Variants in TEX9 observed in about 807,000 individuals in gnomAD.
TEX9 encodes the protein testis expressed 9, also known as testis-expressed protein 9.
In TEX9, 74 loss-of-function variants were observed where a neutral mutation model predicts 59.6. The ratio of observed to expected loss-of-function variants is 1.24; its 90% CI spans 1.03 to 1.51. TEX9 has a LOEUF of 1.51. Ranked by LOEUF, TEX9 falls within the 40% of genes most tolerant of loss-of-function variation. The pLI is 0.00. For missense variants in TEX9, 522 were observed against 447.8 expected (o/e 1.17, Z -1.49); for synonymous variants, 186 against 152.2 (o/e 1.22, Z -1.64).
intron 12 of TEX9, chr15:56,428,559 A>G (rs1008282318): frequency 1.3e-5 from 9 of 670,554 alleles, no homozygotes; most frequent in South Asian, 2.8e-5. Flanking sequence ...TATGAAAGCA[A>G]AATAATTTCA....
In TEX9 at chr15:56,389,452, A is replaced by G. The variant is rs1285113119; in HGVS notation, c.395+52A>G. On this transcript the variant is annotated intron_variant, in intron 6 of 12. Coordinates refer to ENST00000352903, the Ensembl canonical transcript of TEX9. The stretch of plus-strand genomic sequence containing the variant: ...TTTTTTTTTAGTTTTGTAATTCACA[A>G]TACCATCATTCTTAATTATTAAGCT... 6 of 1,276,980 alleles carry G rather than the reference A, an allele frequency of 4.7e-6. No homozygotes were observed. In the African/African-American group the frequency reaches 6.0e-5, roughly 13 times the overall value. 79.1% of individuals were successfully genotyped at this position (1,276,980 alleles called of 1,614,324 possible).
At chr15:56,336,055 C>T (rs1213627851) in intron 1 of TEX9, among the ~76,000 whole-genome samples, 1 of 152,176 alleles carries the variant, frequency 6.6e-6, no homozygotes, top group Non-Finnish European at 1.5e-5. Flanking sequence ...AGTTCAGTAC[C>T]ATCATGGTCT....
chr15:56,411,522 G>T (rs1458105306), intron 9 of TEX9, among the ~76,000 whole-genome samples: 1 of 152,196 alleles, frequency 6.6e-6, no homozygotes, highest in Non-Finnish European at 1.5e-5. Flanking sequence ...CTAGCTATGT[G>T]AAAATGAGTG....
intron 9 of TEX9, among the ~76,000 whole-genome samples, chr15:56,411,873 A>C (rs1334761741): frequency 3.3e-5 from 5 of 152,198 alleles, no homozygotes; most frequent in African/African-American, 1.2e-4. Flanking sequence ...GCATTTAATG[A>C]ATATATTCTG....
chr15:56,361,548 G>T (rs1465098747), upstream of TEX9, among the ~76,000 whole-genome samples: 4 of 152,138 alleles, frequency 2.6e-5, no homozygotes, highest in Admixed American at 2.6e-4. Context: ...ATTGTGCTCT[G>T]GGACCACAAT....
intron 5 of TEX9, among the ~76,000 whole-genome samples, chr15:56,388,900 C>G (rs1416241772): frequency 6.6e-6 from 1 of 151,736 alleles, no homozygotes; most frequent in Non-Finnish European, 1.5e-5. Context: ...GTAGAGATCA[C>G]TCTTCCAGGT....
intron 10 of TEX9, among the ~76,000 whole-genome samples, chr15:56,418,268 A>C (rs1326644313): frequency 2.0e-5 from 3 of 151,856 alleles, no homozygotes; most frequent in Non-Finnish European, 4.4e-5. Context: ...ATTGCTTTAC[A>C]GTGACATTGA....
chr15:56,367,617 G>T (rs1397865016), intron 2 of TEX9, among the ~76,000 whole-genome samples: 2 of 152,070 alleles, frequency 1.3e-5, no homozygotes, highest in Admixed American at 6.5e-5. Context: ...CTCATAAATC[G>T]CAATTACATT....
rs530584325 is a variant in TEX9 at position 56,371,301 on chromosome 15, T to C, written c.120-2140T>C. On this transcript the variant is annotated intron_variant, in intron 2 of 12. Coordinates refer to ENST00000352903, the Ensembl canonical transcript of TEX9. ...TCTGTCTTCTAATTCACTCATTCCT[T>C]CTATGCCCATTATGCTGTTCAACAT... is the stretch of plus-strand genomic sequence containing the variant. Among the ~76,000 whole-genome samples, 27 of 152,334 alleles carry C rather than the reference T, an allele frequency of 1.8e-4. 1 individual carries two copies. The South Asian group carries it at 4.8e-3, about 27-fold the overall frequency.
At chr15:56,312,789 C>A (rs1454445858) in intron 1 of TEX9, among the ~76,000 whole-genome samples, 1 of 112,122 alleles carries the variant, frequency 8.9e-6, no homozygotes, top group Non-Finnish European at 1.9e-5. Flanking sequence ...ATGGAATGTT[C>A]TTCCATTTGT....
At chr15:56,266,530 A>G (rs1596052679) in intron 1 of TEX9, among the ~76,000 whole-genome samples, 2 of 144,346 alleles carry the variant, frequency 1.4e-5, no homozygotes, top group South Asian at 2.2e-4. Context: ...CCTGTGTCCA[A>G]GTGTTCTCAT....
At chr15:56,298,385 C>A (rs1041001049) in intron 1 of TEX9, among the ~76,000 whole-genome samples, 5 of 152,126 alleles carry the variant, frequency 3.3e-5, no homozygotes, top group African/African-American at 1.2e-4. Flanking sequence ...AGTTAGAAAT[C>A]TAAATTGTAT....
At position 56,391,316 on chromosome 15, in the gene TEX9, CT is replaced by C; in HGVS notation, c.471del (p.Ala158GlnfsTer20). On this transcript the variant is annotated frameshift_variant, in exon 7 of 13. Coordinates refer to ENST00000352903, the Ensembl canonical transcript of TEX9. LOFTEE classifies it high-confidence loss of function. ...TCCAGAGGATTTCTCAGACTTTTCCCTTGCAAAAACAATTAGCAAAATTGAA... is the reference window on the plus strand; with the variant it reads ...TCCAGAGGATTTCTCAGACTTTTCCCTGCAAAAACAATTAGCAAAATTGAA... 1 of 1,601,842 alleles carries C rather than the reference CT, an allele frequency of 6.2e-7. No homozygotes were observed. Among genetic ancestry groups the C allele is most frequent in the South Asian group, 1.1e-5 (1 of 88,728 alleles).
intron 1 of TEX9, among the ~76,000 whole-genome samples, chr15:56,322,890 A>T (rs775723746): frequency 1.3e-5 from 2 of 152,176 alleles, no homozygotes; most frequent in African/African-American, 2.4e-5. Flanking sequence ...TGATGCTAAG[A>T]GTATAGTAGG....
chr15:56,276,933 T>C (rs1201762205), intron 1 of TEX9, among the ~76,000 whole-genome samples: 1 of 152,246 alleles, frequency 6.6e-6, no homozygotes, highest in African/African-American at 2.4e-5. Flanking sequence ...ATGAGCCTTT[T>C]TTCATGTTTG....
intron 1 of TEX9, among the ~76,000 whole-genome samples, chr15:56,326,999 C>T (rs1006280899): frequency 6.6e-6 from 1 of 152,000 alleles, no homozygotes; most frequent in Non-Finnish European, 1.5e-5. Flanking sequence ...AGAACTTACC[C>T]GTGTAACCAA....
At chr15:56,323,195 AG>A (rs2141709221) in intron 1 of TEX9, 1 of 217,464 alleles carries the variant, frequency 4.6e-6, no homozygotes, top group African/African-American at 2.3e-5. Context: ...GAGGAGCACA[AG>A]AAAAAGCAGC....
intron 9 of TEX9, chr15:56,408,915 G>C (rs2049209646): frequency 1.3e-5 from 2 of 152,268 alleles, no homozygotes; most frequent in African/African-American, 4.8e-5. Context: ...ATTTAAGTCA[G>C]AGCCAGGCGC....
rs145751676 is a variant in TEX9 at position 56,419,294 on chromosome 15, A to G, written c.963+6858A>G. On this transcript the variant is annotated intron_variant, in intron 10 of 12. Transcript: ENST00000352903. ...TTCTAGAAGCCTTAGGATTTTCTAC[A>G]GACCTTTTCTGTAAAGGACCAACTA... 2.2e-3 allele frequency among the ~76,000 whole-genome samples: 328 copies of G among 151,990 alleles called. 11 individuals are homozygous for G. Among genetic ancestry groups the G allele is most frequent in the African/African-American group, 7.7e-3 (316 of 41,282 alleles).
Sources: allele counts gnomAD v4.1 joint callset (sites outside exome capture counted in the v4.1 genomes callset), GRCh38; gene constraint gnomAD v4.1.1; transcripts MANE v1.5; gene names NCBI Gene and HGNC (gene_info 2026-07-23, HGNC 2026-07-21).